ARIH1: variants seen among roughly 807,000 people sequenced by gnomAD.
ARIH1 encodes ariadne RBR E3 ubiquitin protein ligase 1.
In ARIH1, 8 loss-of-function variants were observed where a neutral mutation model predicts 85.0. The observed-to-expected ratio is 0.09, with a 90% CI of 0.06 to 0.17. The LOEUF is 0.17. Among genes scored for constraint, ARIH1 ranks in the 10% least tolerant of loss-of-function variants. The pLI is 1.00. For missense variants in ARIH1, 311 were observed against 718.1 expected (o/e 0.43, Z 6.48); for synonymous variants, 238 against 253.6 (o/e 0.94, Z 0.59).
At chr15:72,520,590 G>A (rs2063995235) in intron 2 of ARIH1, among the ~76,000 whole-genome samples, 1 of 151,954 alleles carries the variant, frequency 6.6e-6, no homozygotes, top group African/African-American at 2.4e-5. Context: ...TATGTTTTCT[G>A]TTCGCTTATT....
chr15:72,589,642 C>A lies in ARIH1; in HGVS notation c.*6350C>A, dbSNP rs1014474715. On this transcript the variant is annotated 3_prime_UTR_variant, in exon 14 of 14. Transcript: ENST00000379887. ...ACAAACATGGGTGTTGAGAGCTTAA[C>A]TTAATCGGGAAGGAGATCTTGGAGA... 1 of 151,750 alleles carries A rather than the reference C, an allele frequency of 6.6e-6. No homozygotes were observed. The highest frequency in any genetic ancestry group is 2.4e-5 in the African/African-American group (1 of 41,028). 9.4% of individuals were successfully genotyped at this position (151,750 alleles called of 1,614,324 possible).
chr15:72,524,254 T>C (rs899454222), intron 2 of ARIH1, among the ~76,000 whole-genome samples: 5 of 148,324 alleles, frequency 3.4e-5, no homozygotes, highest in African/African-American at 5.0e-5. Context: ...GCCTTTTTTT[T>C]TTTTTTGAGA....
intron 3 of ARIH1, among the ~76,000 whole-genome samples, chr15:72,548,178 A>G (rs1185769691): frequency 6.6e-6 from 1 of 152,198 alleles, no homozygotes; most frequent in Non-Finnish European, 1.5e-5. Flanking sequence ...AAGATACGAT[A>G]CTGTGGGAAC....
chr15:72,476,387 C>T lies in ARIH1; in HGVS notation c.375+1373C>T, dbSNP rs1225209527. 2.6e-5 allele frequency among the ~76,000 whole-genome samples: 4 copies of T among 152,260 alleles called. No individual in the cohort carries two copies. In the East Asian group the frequency reaches 5.8e-4, roughly 22 times the overall value. On this transcript the variant is annotated intron_variant, in intron 1 of 13. Coordinates refer to ENST00000379887, the MANE Select transcript of ARIH1 (RefSeq NM_005744.5). Reference sequence around the variant, plus strand: ...AAGATAATTTTTTGTTTGTTTGAGACGGAGTCTTGCTTTGTCGCCCAGGCT... The same window carrying T: ...AAGATAATTTTTTGTTTGTTTGAGATGGAGTCTTGCTTTGTCGCCCAGGCT...
intron 2 of ARIH1, among the ~76,000 whole-genome samples, chr15:72,522,218 G>T (rs1003316287): frequency 1.3e-5 from 2 of 152,134 alleles, no homozygotes; most frequent in African/African-American, 4.8e-5. Flanking sequence ...AAAAGAAAAT[G>T]AGGTAAAAAA....
intron 2 of ARIH1, among the ~76,000 whole-genome samples, chr15:72,523,590 T>C (rs1161323494): frequency 2.0e-5 from 3 of 151,906 alleles, no homozygotes; most frequent in Non-Finnish European, 4.4e-5. Context: ...TGTATCATTA[T>C]GCATTTGTCC....
intron 2 of ARIH1, among the ~76,000 whole-genome samples, chr15:72,532,600 A>G (rs1047238171): frequency 4.6e-5 from 7 of 152,224 alleles, no homozygotes; most frequent in African/African-American, 7.2e-5. Context: ...CCAAGGAAAG[A>G]TGATACACCA....
intron 1 of ARIH1, among the ~76,000 whole-genome samples, chr15:72,514,612 G>C (rs2063966121): frequency 6.6e-6 from 1 of 151,970 alleles, no homozygotes; most frequent in Admixed American, 6.6e-5. Flanking sequence ...GGCTGAGGTG[G>C]GAGAATCACC....
intron 1 of ARIH1, among the ~76,000 whole-genome samples, chr15:72,515,803 A>C (rs139712917): frequency 6.6e-6 from 1 of 152,264 alleles, no homozygotes; most frequent in African/African-American, 2.4e-5. Context: ...TTCCATATAT[A>C]TATAGATAGC....
chr15:72,490,187 A>G (rs2063853433), intron 1 of ARIH1, among the ~76,000 whole-genome samples: 1 of 151,050 alleles, frequency 6.6e-6, no homozygotes, highest in Non-Finnish European at 1.5e-5. Flanking sequence ...ACATAGTGAG[A>G]CCCCATCTCT....
intron 1 of ARIH1, among the ~76,000 whole-genome samples, chr15:72,475,921 T>C (rs1212239737): frequency 1.3e-5 from 2 of 152,154 alleles, no homozygotes; most frequent in African/African-American, 2.4e-5. Context: ...TTTTGAGCTT[T>C]AGAAACTCAA....
At chr15:72,550,977 A>C (rs1275631079) in intron 3 of ARIH1, among the ~76,000 whole-genome samples, 1 of 152,068 alleles carries the variant, frequency 6.6e-6, no homozygotes, top group African/African-American at 2.4e-5. Flanking sequence ...CAGCCCTCTC[A>C]TAGATTTCTT....
chr15:72,506,077 C>CA (rs1567341865), intron 1 of ARIH1, among the ~76,000 whole-genome samples: 2 of 151,884 alleles, frequency 1.3e-5, no homozygotes, highest in Non-Finnish European at 2.9e-5. Context: ...GGGCCAGGCG[C>CA]GTGGCTCACG....
chr15:72,518,743 G>T (rs1242742252), intron 2 of ARIH1, among the ~76,000 whole-genome samples: 1 of 150,152 alleles, frequency 6.7e-6, no homozygotes, highest in Non-Finnish European at 1.5e-5. Context: ...AGCAGAGATG[G>T]CGCTACTACA....
intron 3 of ARIH1, among the ~76,000 whole-genome samples, chr15:72,552,962 G>A (rs10851856): frequency 0.88 from 133,176 of 151,958 alleles, 61,002 homozygotes; most frequent in East Asian, 1. Flanking sequence ...TATAGTAGAG[G>A]CAGGATTTTG....
intron 8 of ARIH1, 67 bp from the exon 9 acceptor site, chr15:72,567,039 G>A (rs1274049982): frequency 4.2e-6 from 5 of 1,178,152 alleles, no homozygotes; most frequent in Non-Finnish European, 6.2e-6. Context: ...CTATAGTTAA[G>A]TGCTAAAGTA....
intron 2 of ARIH1, among the ~76,000 whole-genome samples, chr15:72,519,275 A>C (rs555857275): frequency 6.6e-6 from 1 of 152,042 alleles, no homozygotes; most frequent in African/African-American, 2.4e-5. Context: ...AATACCGAGA[A>C]TATCACCCCA....
intron 2 of ARIH1, among the ~76,000 whole-genome samples, chr15:72,532,296 C>T (rs1218297497): frequency 1.3e-5 from 2 of 150,720 alleles, no homozygotes; most frequent in Non-Finnish European, 3.0e-5. Flanking sequence ...TAAAAAAAAA[C>T]TCTTAAAATT....
At chr15:72,488,203 T>A (rs1308874271) in intron 1 of ARIH1, among the ~76,000 whole-genome samples, 1 of 152,004 alleles carries the variant, frequency 6.6e-6, no homozygotes, top group East Asian at 1.9e-4. Flanking sequence ...ACCTGGCTAA[T>A]TTTTTGTATT....
Sources: gnomAD v4.1 joint callset for allele counts (sites outside exome capture counted in the v4.1 genomes callset) on GRCh38, gnomAD v4.1.1 for gene constraint, MANE v1.5 for transcripts, NCBI Gene and HGNC (gene_info 2026-07-23, HGNC 2026-07-21) for gene names.